The following FRMPD4 variants were observed in gnomAD, a reference collection of about 807,000 sequenced individuals.
The protein encoded by FRMPD4 is FERM and PDZ domain-containing protein 4.
FRMPD4 carries 22 observed loss-of-function variants against 94.1 expected under a neutral mutation model. That is an observed-to-expected ratio of 0.23 (90% CI 0.17 to 0.33). The LOEUF is 0.33. Ranked by LOEUF, FRMPD4 falls within the 10% of genes least tolerant of loss-of-function variation. FRMPD4 has a pLI of 1.00. For synonymous variants in FRMPD4, 631 were observed against 548.6 expected, an observed-to-expected ratio of 1.15 and a Z score of -2.10; for missense variants, 1,111 against 1,339.9, an observed-to-expected ratio of 0.83 and a Z score of 2.67.
intron 9 of FRMPD4, among the ~76,000 whole-genome samples, chrX:12,696,934 C>A (rs1342683824): frequency 8.9e-6 from 1 of 111,815 alleles, no homozygotes; most frequent in Non-Finnish European, 1.9e-5. Context: ...ACAGGAAAGA[C>A]ACAGAACATA....
chrX:12,139,998 G>A (rs2055668016), intron 1 of FRMPD4, among the ~76,000 whole-genome samples: 1 of 112,546 alleles, frequency 8.9e-6, no homozygotes, highest in South Asian at 3.7e-4. Flanking sequence ...TCAGTCCTGA[G>A]TGTCAGAGTG....
At chrX:12,439,070 T>C (rs2057103929) in intron 1 of FRMPD4, among the ~76,000 whole-genome samples, 1 of 111,125 alleles carries the variant, frequency 9.0e-6, no homozygotes, top group Non-Finnish European at 1.9e-5. Flanking sequence ...AAGGCAGAGT[T>C]GTTCATTGTC....
At position 12,716,128 on chromosome X, in the gene FRMPD4, A is replaced by G. The variant is rs1260603363; in HGVS notation, c.1669A>G (p.Met557Val). 9.9e-6 allele frequency: 12 copies of G among 1,207,249 alleles called. No individual in the cohort carries two copies. Among genetic ancestry groups the G allele is most frequent in the Non-Finnish European group, 1.2e-5 (11 of 892,258 alleles). ...LGPDWNCIPQ[M>V]TTFIGEGEQE... Reference sequence around the variant, plus strand: ...CCCAGATTGGAACTGTATACCCCAAATGACCACCTTTATTGGCGAAGGGGA... The same window carrying G: ...CCCAGATTGGAACTGTATACCCCAAGTGACCACCTTTATTGGCGAAGGGGA... The change falls in exon 15 of 17, where the codon ATG becomes GTG. Residue 557 changes from methionine to valine, a missense_variant. By Grantham distance (21) the Met-to-Val change is conservative (BLOSUM62 1). Around this residue, in one of 8 missense-constraint regions of FRMPD4, gnomAD observed 192 missense variants for 192.5 expected, o/e 1.00. Transcript: ENST00000675598.
intron 2 of FRMPD4, among the ~76,000 whole-genome samples, chrX:12,606,834 G>A (rs926745628): frequency 7.2e-5 from 8 of 111,284 alleles, no homozygotes; most frequent in Non-Finnish European, 1.5e-4. Context: ...TAAAAGGACA[G>A]AATTGTTTTC....
At chrX:12,662,589 T>A (rs1223817498) in intron 4 of FRMPD4, among the ~76,000 whole-genome samples, 1 of 112,626 alleles carries the variant, frequency 8.9e-6, no homozygotes, top group Non-Finnish European at 1.9e-5. Context: ...GTTTTCTTTA[T>A]CCAGTCTATC....
chrX:12,198,569 C>T (rs2056593108), intron 1 of FRMPD4, among the ~76,000 whole-genome samples: 2 of 111,740 alleles, frequency 1.8e-5, no homozygotes, highest in Non-Finnish European at 3.8e-5. Flanking sequence ...TGAGTAGTGA[C>T]GCCTTAGATT....
chrX:12,041,539 G>A (rs753861660), intron 3 of FRMPD4, among the ~76,000 whole-genome samples: 4 of 110,544 alleles, frequency 3.6e-5, no homozygotes, highest in South Asian at 3.8e-4. Flanking sequence ...TGTTGTGCCC[G>A]TGTATATCAT....
chrX:11,996,884 A>C (rs1176299964), intron 3 of FRMPD4, among the ~76,000 whole-genome samples: 1 of 111,812 alleles, frequency 8.9e-6, no homozygotes, highest in African/African-American at 3.2e-5. Flanking sequence ...TGCTTAATTA[A>C]ATGTTTCTGG....
intron 1 of FRMPD4, among the ~76,000 whole-genome samples, chrX:12,286,090 G>A (rs968420352): frequency 3.6e-5 from 4 of 111,758 alleles, no homozygotes; most frequent in Non-Finnish European, 7.5e-5. Context: ...TTCTTTAAAT[G>A]AGCAGAATGC....
At chrX:12,687,399 A>G (rs191937323) in intron 7 of FRMPD4, among the ~76,000 whole-genome samples, 2 of 111,849 alleles carry the variant, frequency 1.8e-5, no homozygotes, top group African/African-American at 3.2e-5. Flanking sequence ...ATAATTATTG[A>G]TCAACTAACC....
intron 2 of FRMPD4, among the ~76,000 whole-genome samples, chrX:12,540,546 T>A (rs1486447909): frequency 8.9e-6 from 1 of 112,026 alleles, no homozygotes; most frequent in Non-Finnish European, 1.9e-5. Flanking sequence ...CTAACTATCC[T>A]AAATATATAT....
At chrX:12,293,252 G>A (rs930347372) in intron 1 of FRMPD4, among the ~76,000 whole-genome samples, 3 of 112,156 alleles carry the variant, frequency 2.7e-5, no homozygotes, top group Non-Finnish European at 5.6e-5. Flanking sequence ...TTTACTTCAC[G>A]GAGTCCACTT....
intron 1 of FRMPD4, among the ~76,000 whole-genome samples, chrX:12,422,828 A>C (rs1480795621): frequency 8.9e-6 from 1 of 112,195 alleles, no homozygotes; most frequent in African/African-American, 3.2e-5. Context: ...TGAACAACAC[A>C]CAGGTTTTTT....
rs996547503 is a variant in FRMPD4 at position 12,287,268 on chromosome X, C to A, written c.41+148256C>A. ...ATATGGGAGCCCTTAAGAGAGATAG[C>A]TAACCAGGTCCTTGTGAGTCTCAAA... On this transcript the variant is annotated intron_variant, in intron 1 of 16. Coordinates refer to ENST00000675598, the MANE Select transcript of FRMPD4 (RefSeq NM_001368397.1). 4.5e-5 allele frequency among the ~76,000 whole-genome samples: 5 copies of A among 111,768 alleles called. No homozygotes were observed. In the East Asian group the frequency reaches 1.4e-3, roughly 32 times the overall value.
At chrX:12,117,875 A>G (rs183234282) in intron 3 of FRMPD4, among the ~76,000 whole-genome samples, 13 of 112,068 alleles carry the variant, frequency 1.2e-4, no homozygotes, top group African/African-American at 1.6e-4. Context: ...ACATTTATCA[A>G]TTGTTCTTCC....
intron 1 of FRMPD4, among the ~76,000 whole-genome samples, chrX:12,358,875 A>G (rs1416719770): frequency 8.9e-6 from 1 of 112,199 alleles, no homozygotes; most frequent in Non-Finnish European, 1.9e-5. Flanking sequence ...CATTTGATTT[A>G]TGCCTCACTC....
rs1224192858 is a variant in FRMPD4 at position 11,953,554 on chromosome X, G to T, written c.95+75536G>T. Among the ~76,000 whole-genome samples, 6 of 111,580 alleles carry T rather than the reference G, an allele frequency of 5.4e-5. No homozygotes were observed. The East Asian group carries it at 1.4e-3, about 26-fold the overall frequency. On this transcript the variant is annotated intron_variant, in intron 3 of 18. Coordinates refer to the FRMPD4 transcript ENST00000640291. ...CAAAAGGACTATTTCGATGAGGGGTGGGGGATTGTTGCATATGGGGAGAGA... is the reference window on the plus strand; with the variant it reads ...CAAAAGGACTATTTCGATGAGGGGTTGGGGATTGTTGCATATGGGGAGAGA...
chrX:11,843,390 A>T (rs2053551086), intron 1 of FRMPD4, among the ~76,000 whole-genome samples: 1 of 110,781 alleles, frequency 9.0e-6, no homozygotes, highest in Non-Finnish European at 1.9e-5. Context: ...TCTTTTCTTT[A>T]CTATTAGTGT....
intron 3 of FRMPD4, among the ~76,000 whole-genome samples, chrX:11,899,084 A>T (rs776103067): frequency 9.8e-5 from 11 of 112,579 alleles, no homozygotes; most frequent in Admixed American, 4.7e-4. Flanking sequence ...AAAAGTATTG[A>T]GAAATACAGA....
Sources: allele counts gnomAD v4.1 joint callset (sites outside exome capture counted in the v4.1 genomes callset), GRCh38; gene constraint gnomAD v4.1.1; regional missense constraint gnomAD v4.1.1; transcripts MANE v1.5; gene names NCBI Gene and HGNC (gene_info 2026-07-23, HGNC 2026-07-21).